The following TRIM29 variants were observed in gnomAD, a reference collection of about 807,000 sequenced individuals.
TRIM29 encodes tripartite motif-containing protein 29.
TRIM29 carries 52 observed loss-of-function variants against 57.3 expected under a neutral mutation model. The observed-to-expected ratio is 0.91, with a 90% confidence interval of 0.73 to 1.14. TRIM29 has a LOEUF of 1.14. Among genes scored for constraint, TRIM29 ranks in the 50% most tolerant of loss-of-function variants. The pLI, the probability that TRIM29 is intolerant of heterozygous loss-of-function variation, is 0.00. For synonymous variants in TRIM29, 319 were observed against 316.9 expected, an observed-to-expected ratio of 1.01 and a Z score of -0.07; for missense variants, 753 against 774.6, an observed-to-expected ratio of 0.97 and a Z score of 0.33.
intron 1 of TRIM29, among the ~76,000 whole-genome samples, chr11:120,129,438 C>A (rs559484187): frequency 6.6e-6 from 1 of 152,280 alleles, no homozygotes; most frequent in African/African-American, 2.4e-5. Context: ...ACAAAGCATC[C>A]AAGAGAGCCT....
intron 1 of TRIM29, among the ~76,000 whole-genome samples, chr11:120,130,151 C>T (rs1863689619): frequency 6.6e-6 from 1 of 152,130 alleles, no homozygotes; most frequent in Admixed American, 6.5e-5. Flanking sequence ...GATCCCACAG[C>T]CCCAAAGGCC....
chr11:120,121,749 G>T, intron 5 of TRIM29: 1 of 250,698 alleles, frequency 4.0e-6, no homozygotes, highest in South Asian at 4.3e-5. Context: ...CCTGCAGGAG[G>T]CTCACACTGG....
chr11:120,128,200 C>T (rs1464926984), intron 2 of TRIM29, among the ~76,000 whole-genome samples, 200 bp downstream of exon 2: 2 of 152,170 alleles, frequency 1.3e-5, no homozygotes, highest in Non-Finnish European at 2.9e-5. Context: ...CATTAGGTCA[C>T]AGACAGGATC....
chr11:120,112,966 G>C (rs1863171895), intron 8 of TRIM29, among the ~76,000 whole-genome samples: 1 of 152,146 alleles, frequency 6.6e-6, no homozygotes. Context: ...ACTTGCCCAA[G>C]GTCACTCAGC....
Position 120,112,326 on chromosome 11 carries a change from C to T in TRIM29, c.*88G>A. On this transcript the variant is annotated 3_prime_UTR_variant, in exon 9 of 9. Coordinates refer to ENST00000341846, the MANE Select transcript of TRIM29 (RefSeq NM_012101.4). Reference sequence around the variant, plus strand: ...GGTGCAGGACCAGGCTCCCTCCCACCCAGACAAGCACAGTAGCTTAGAAGG... The same window carrying T: ...GGTGCAGGACCAGGCTCCCTCCCACTCAGACAAGCACAGTAGCTTAGAAGG... 6.5e-7 allele frequency: 1 copy of T among 1,540,016 alleles called. No individual in the cohort carries two copies. The highest frequency in any genetic ancestry group is 8.9e-7 in the Non-Finnish European group (1 of 1,119,306).
intron 1 of TRIM29, among the ~76,000 whole-genome samples, chr11:120,135,732 C>T (rs925746439): frequency 1.3e-5 from 2 of 152,110 alleles, no homozygotes; most frequent in Non-Finnish European, 2.9e-5. Context: ...CCCTTTCTGT[C>T]CAGGGGTGTG....
At chr11:120,114,340 T>C (rs1216916088) in intron 8 of TRIM29, among the ~76,000 whole-genome samples, 1 of 152,188 alleles carries the variant, frequency 6.6e-6, no homozygotes, top group South Asian at 2.1e-4. Context: ...GCAATGCCCC[T>C]GAGTCCAGCT....
Position 120,137,100 on chromosome 11 carries a change from TA to T in TRIM29, c.804+127del. The T allele has an allele frequency of 2.9e-6, 3 of 1,041,748 alleles. No individual in the cohort carries two copies. Among genetic ancestry groups the T allele is most frequent in the Non-Finnish European group, 2.7e-6 (2 of 731,602 alleles). 64.5% of individuals were successfully genotyped at this position (1,041,748 alleles called of 1,614,324 possible). A position where few individuals can be genotyped will look rare whatever the true frequency, so the allele number is the denominator to read the frequency against. ...GGCATGAGGGGAAATAAATGTTTTC[TA>T]AAAGAGCCAAGGACAGTAGAAACTT... On this transcript the variant is annotated intron_variant, in intron 1 of 8. Transcript: ENST00000341846. The surrounding 1 kb of genome is among the most constrained non-coding windows in gnomAD (Gnocchi z 6.2).
chr11:120,113,618 G>A (rs1000149530), intron 8 of TRIM29: 1 of 456,126 alleles, frequency 2.2e-6, no homozygotes, highest in Admixed American at 2.3e-5. Context: ...GTGGTCCACA[G>A]CAGGACTTGA....
chr11:120,127,387 C>T lies in TRIM29; in HGVS notation c.1083G>A (p.Lys361=). The change falls in exon 3 of 9, where the codon AAG becomes AAA. Residue 361 remains lysine, a synonymous_variant. Transcript: ENST00000341846. ...DERAKVLHED[K]QTREQLHSIS... ...TGCTATGCAGCTGCTCCCGGGTCTGCTTGTCCTCATGCAGCACCTTGGCTC... is the reference window on the plus strand; with the variant it reads ...TGCTATGCAGCTGCTCCCGGGTCTGTTTGTCCTCATGCAGCACCTTGGCTC... 6.2e-7 allele frequency: 1 copy of T among 1,614,164 alleles called. No homozygotes were observed. Among genetic ancestry groups the T allele is most frequent in the Non-Finnish European group, 8.5e-7 (1 of 1,180,038 alleles).
intron 7 of TRIM29, chr11:120,117,584 A>C (rs1863302551): frequency 6.4e-6 from 1 of 155,150 alleles, no homozygotes. Context: ...GGGATCTTTC[A>C]GGAGATACAT....
chr11:120,120,200 A>C (rs1022609546), intron 6 of TRIM29, among the ~76,000 whole-genome samples: 2 of 151,746 alleles, frequency 1.3e-5, no homozygotes, highest in Non-Finnish European at 2.9e-5. Flanking sequence ...CCCCACACTT[A>C]AGCCCAAGGT....
chr11:120,121,016 C>A (rs1398819249), intron 5 of TRIM29: 4 of 382,222 alleles, frequency 1.0e-5, no homozygotes, highest in Non-Finnish European at 2.0e-5. Context: ...CTGCTGCTTC[C>A]CGGGAGATCA....
intron 8 of TRIM29, chr11:120,113,524 C>T: frequency 2.3e-6 from 1 of 426,342 alleles, no homozygotes; most frequent in Non-Finnish European, 4.7e-6. Context: ...TCATTTGCCC[C>T]TCACACACAC....
Position 120,112,397 on chromosome 11 carries a change from T to C in TRIM29, c.*17A>G. The C allele has an allele frequency of 6.2e-7, 1 of 1,613,302 alleles. No homozygotes were observed. The highest frequency in any genetic ancestry group is 1.7e-5 in the Admixed American group (1 of 59,974). On this transcript the variant is annotated 3_prime_UTR_variant, in exon 9 of 9. Coordinates refer to ENST00000341846, the MANE Select transcript of TRIM29 (RefSeq NM_012101.4). The stretch of plus-strand genomic sequence containing the variant: ...GGAAGAGCAGGGGTGTGGCGCCTCG[T>C]TCCTTCCGCCAGGAGCTCATGGGGC...
rs777992945 is a variant in TRIM29, at chr11:120,128,408, G to A, written c.892C>T (p.Arg298Cys). The stretch of plus-strand genomic sequence containing the variant: ...GCTTGGGGGCTGCTCACCTTGATGC[G>A]GTCCTTCTCCTTCTGCCACTTCTCA... Reference protein sequence around the residue: ...EAEKWQKEKDRIKSFTTNEKA... With the variant: ...EAEKWQKEKDCIKSFTTNEKA... Residue 298 changes from arginine to cysteine, a missense_variant, in exon 2 of 9, where the codon CGC becomes TGC. By Grantham distance (180) the Arg-to-Cys change is radical. Transcript: ENST00000341846. The A allele has an allele frequency of 5.6e-5, 91 of 1,611,624 alleles. No homozygotes were observed. The highest frequency in any genetic ancestry group is 1.6e-4 in the South Asian group (15 of 91,026).
chr11:120,125,804 T>C lies in TRIM29; in HGVS notation c.1220A>G (p.Gln407Arg). 1 of 1,614,160 alleles carries C rather than the reference T, an allele frequency of 6.2e-7. No individual in the cohort carries two copies. The highest frequency in any genetic ancestry group is 8.5e-7 in the Non-Finnish European group (1 of 1,180,026). Residue 407 changes from glutamine to arginine, a missense_variant, in exon 4 of 9, where the codon CAG becomes CGG. Coordinates refer to ENST00000341846, the MANE Select transcript of TRIM29 (RefSeq NM_012101.4). ...GTCGTCCTTGAAGTTGCCTAGTGAC[T>C]GTCCCAGGCCCTCCCCCTCCAGCAG... ...HVLLEGEGLG[Q>R]SLGNFKDDLL...
At chr11:120,123,179 G>C (rs754613591) in intron 4 of TRIM29, 124 bp from the exon 5 acceptor site, 7 of 707,342 alleles carry the variant, frequency 9.9e-6, no homozygotes, top group Non-Finnish European at 1.6e-5. Flanking sequence ...GCAGATCCAA[G>C]TTTCCCCAAC....
rs140801392 is a variant in TRIM29, at chr11:120,137,495, G to A, written c.537C>T (p.Asn179=). 3 of 1,602,700 alleles carry A rather than the reference G, an allele frequency of 1.9e-6. No individual in the cohort carries two copies. The highest frequency in any genetic ancestry group is 2.5e-6 in the Non-Finnish European group (3 of 1,179,916). Residue 179 remains asparagine (N), a synonymous_variant, in exon 1 of 9, where the codon AAC becomes AAT. Coordinates refer to ENST00000341846, the MANE Select transcript of TRIM29 (RefSeq NM_012101.4). This position sits in a 1 kb window ranked among gnomAD's most constrained non-coding sequence, Gnocchi z 6.2. ...EEVLCDSCIG[N]KQKAVKSCLV... ...GGCAGGACTTGACCGCCTTCTGCTT[G>A]TTGCCGATGCAGGAGTCGCACAGCA...
Sources: allele counts gnomAD v4.1 joint callset (sites outside exome capture counted in the v4.1 genomes callset), GRCh38; gene constraint gnomAD v4.1.1; non-coding constraint Gnocchi (gnomAD v3.1); transcripts MANE v1.5; gene names NCBI Gene and HGNC (gene_info 2026-07-23, HGNC 2026-07-21).